Variants in PLPPR1 observed in about 807,000 individuals in gnomAD.
PLPPR1 encodes phospholipid phosphatase related 1.
Under a neutral mutation model 33.1 loss-of-function variants are expected in PLPPR1, and 10 were observed. The ratio of observed to expected loss-of-function variants is 0.30; its 90% confidence interval spans 0.19 to 0.51. PLPPR1 has a LOEUF of 0.51. Among genes scored for constraint, PLPPR1 ranks in the 20% least tolerant of loss-of-function variants. The pLI is 0.97. For missense variants in PLPPR1, 304 were observed against 408.1 expected (o/e 0.74, Z 2.20); for synonymous variants, 151 against 151.0 (o/e 1.00, Z 0.00).
chr9:101,317,396 C>A lies in PLPPR1; in HGVS notation c.845C>A (p.Thr282Lys). 2 of 1,613,992 alleles carry A rather than the reference C, an allele frequency of 1.2e-6. No homozygotes were observed. Among genetic ancestry groups the A allele is most frequent in the Non-Finnish European group, 1.7e-6 (2 of 1,179,968 alleles). The change falls in exon 7 of 8, where the codon ACG (threonine) becomes AAG (lysine). Residue 282 changes from threonine to lysine, a missense_variant. Thr to Lys is a moderately conservative substitution (Grantham distance 78). Transcript: ENST00000374874. ...TGTGTGGTTCATAACTTTAAAGGAA[C>A]GCAAGGATCTCCTTCCAAACCCAAG... is the stretch of plus-strand genomic sequence containing the variant. Reference protein sequence around the residue: ...GMCVVHNFKGTQGSPSKPKPE... With the variant: ...GMCVVHNFKGKQGSPSKPKPE...
At chr9:101,150,732 G>C (rs377713964) in intron 1 of PLPPR1, among the ~76,000 whole-genome samples, 19 of 152,260 alleles carry the variant, frequency 1.2e-4, no homozygotes, top group African/African-American at 4.6e-4. Context: ...TGGTTATGCG[G>C]TGGATCATAG....
chr9:101,312,851 G>A lies in PLPPR1; in HGVS notation c.690G>A (p.Val230=), dbSNP rs2118959849. The A allele has an allele frequency of 6.2e-7, 1 of 1,614,182 alleles. No individual in the cohort carries two copies. The highest frequency in any genetic ancestry group is 8.5e-7 in the Non-Finnish European group (1 of 1,180,028). Residue 230 remains valine, a synonymous_variant, in exon 6 of 8, where the codon GTG becomes GTA. Transcript: ENST00000374874. ...KTKSSRLAKP[V]LCLGTLCTAF... ...AGAGCAGTCGACTGGCCAAGCCGGTGCTGTGCCTCGGAACTCTCTGCACAG... is the reference window on the plus strand; with the variant it reads ...AGAGCAGTCGACTGGCCAAGCCGGTACTGTGCCTCGGAACTCTCTGCACAG...
intron 1 of PLPPR1, among the ~76,000 whole-genome samples, chr9:101,068,874 A>T (rs1349292084): frequency 6.6e-6 from 1 of 152,148 alleles, no homozygotes; most frequent in Non-Finnish European, 1.5e-5. Context: ...GCACAGGATG[A>T]CAGGGGATAG....
intron 1 of PLPPR1, among the ~76,000 whole-genome samples, chr9:101,118,079 T>C (rs1184180231): frequency 1.3e-5 from 2 of 152,200 alleles, no homozygotes; most frequent in African/African-American, 4.8e-5. Flanking sequence ...AAATAAAATA[T>C]TCAGAGAAAT....
chr9:101,272,934 AC>A (rs1796228258), intron 3 of PLPPR1, among the ~76,000 whole-genome samples: 1 of 152,228 alleles, frequency 6.6e-6, no homozygotes, highest in Non-Finnish European at 1.5e-5. Flanking sequence ...TTATAAAAAT[AC>A]AAAGATTTGT....
intron 1 of PLPPR1, among the ~76,000 whole-genome samples, chr9:101,165,687 AG>A (rs1825843888): frequency 6.6e-6 from 1 of 152,200 alleles, no homozygotes; most frequent in Admixed American, 6.5e-5. Flanking sequence ...AGGAGGCTGC[AG>A]GTGATTTAAC....
chr9:101,263,874 C>T (rs964142725), intron 2 of PLPPR1, among the ~76,000 whole-genome samples: 2 of 152,090 alleles, frequency 1.3e-5, no homozygotes. Flanking sequence ...ATAACATTAT[C>T]ATCTCTGTCT....
intron 2 of PLPPR1, among the ~76,000 whole-genome samples, chr9:101,233,432 C>T (rs993620827): frequency 6.6e-6 from 1 of 151,922 alleles, no homozygotes; most frequent in African/African-American, 2.4e-5. Context: ...GTACCCTGTG[C>T]CTTGGGCCCT....
At chr9:101,115,490 G>C (rs1422728780) in intron 1 of PLPPR1, among the ~76,000 whole-genome samples, 2 of 152,198 alleles carry the variant, frequency 1.3e-5, no homozygotes, top group African/African-American at 2.4e-5. Flanking sequence ...AGTACAAATT[G>C]CCAGTTGAGA....
At chr9:101,278,571 C>T (rs908566799) in intron 3 of PLPPR1, among the ~76,000 whole-genome samples, 2 of 152,174 alleles carry the variant, frequency 1.3e-5, no homozygotes, top group Admixed American at 1.3e-4. Flanking sequence ...AGACACCATC[C>T]ACTTGGGGGA....
At chr9:101,203,089 A>T (rs1193659236) in intron 2 of PLPPR1, among the ~76,000 whole-genome samples, 1 of 152,196 alleles carries the variant, frequency 6.6e-6, no homozygotes, top group Non-Finnish European at 1.5e-5. Flanking sequence ...TTGCAGATAC[A>T]TGTTTTAAAC....
At chr9:101,151,329 A>G (rs753938876) in intron 1 of PLPPR1, among the ~76,000 whole-genome samples, 3 of 152,224 alleles carry the variant, frequency 2.0e-5, no homozygotes, top group Non-Finnish European at 4.4e-5. Context: ...TCTATAGAAA[A>G]TAATTTATGT....
At chr9:101,240,538 T>A (rs1827443058) in intron 2 of PLPPR1, among the ~76,000 whole-genome samples, 1 of 149,060 alleles carries the variant, frequency 6.7e-6, no homozygotes, top group Admixed American at 6.7e-5. Flanking sequence ...TAGGATGACA[T>A]GAAAAAATTA....
At chr9:101,229,300 A>G (rs995947896) in intron 2 of PLPPR1, among the ~76,000 whole-genome samples, 5 of 152,136 alleles carry the variant, frequency 3.3e-5, no homozygotes, top group African/African-American at 1.2e-4. Flanking sequence ...AACATTCCCA[A>G]GATCTCAGAA....
intron 1 of PLPPR1, among the ~76,000 whole-genome samples, chr9:101,104,534 G>T (rs201195105): frequency 0.012 from 1,362 of 118,274 alleles, no homozygotes; most frequent in East Asian, 0.041. Flanking sequence ...TTGATGTGCT[G>T]CTGGATTTGA....
At chr9:101,306,307 T>C (rs1483144030) in intron 4 of PLPPR1, among the ~76,000 whole-genome samples, 1 of 152,224 alleles carries the variant, frequency 6.6e-6, no homozygotes, top group Non-Finnish European at 1.5e-5. Flanking sequence ...TCCCAGCCCC[T>C]GAGGCTTGAC....
chr9:101,041,927 T>G (rs1235523762), intron 1 of PLPPR1, among the ~76,000 whole-genome samples: 2 of 152,328 alleles, frequency 1.3e-5, no homozygotes, highest in East Asian at 3.9e-4. Context: ...CTTGGAAAGT[T>G]TAACCATGTT....
rs557120772 is a variant in PLPPR1, at chr9:101,226,742, A to G, written c.63+41185A>G. 2.0e-5 allele frequency among the ~76,000 whole-genome samples: 3 copies of G among 152,184 alleles called. No homozygotes were observed. In the South Asian group the frequency reaches 6.2e-4, roughly 32 times the overall value. On this transcript the variant is annotated intron_variant, in intron 2 of 7. Transcript: ENST00000374874. ...GGATTTCAACATATAAATTTGACAC[A>G]GCTCTTGTGTTTTATCAAAGCTTAT...
intron 2 of PLPPR1, among the ~76,000 whole-genome samples, chr9:101,188,396 T>C (rs888153296): frequency 1.3e-5 from 2 of 152,068 alleles, no homozygotes; most frequent in Non-Finnish European, 2.9e-5. Flanking sequence ...ATTTTATGAG[T>C]ATGTCATATA....
Sources: allele counts gnomAD v4.1 joint callset (sites outside exome capture counted in the v4.1 genomes callset), GRCh38; gene constraint gnomAD v4.1.1; transcripts MANE v1.5; gene names NCBI Gene and HGNC (gene_info 2026-07-23, HGNC 2026-07-21).